ZNF148: variants seen among roughly 807,000 people sequenced by gnomAD.
ZNF148 encodes the protein zinc finger protein 148, also known as Beta-Enolase Repressor Factor-1.
A neutral mutation model predicts 67.7 loss-of-function variants in ZNF148; 7 were observed. The ratio of observed to expected loss-of-function variants is 0.10; its 90% CI spans 0.06 to 0.19. ZNF148 has a LOEUF of 0.19. Ranked by LOEUF, ZNF148 falls within the 10% of genes least tolerant of loss-of-function variation. The pLI, the probability that ZNF148 is intolerant of heterozygous loss-of-function variation, is 1.00. For synonymous variants in ZNF148, 333 were observed against 330.7 expected (o/e 1.01, Z -0.08); for missense variants, 583 against 947.1 (o/e 0.62, Z 5.05).
At position 125,246,682 on chromosome 3, in the gene ZNF148, T is replaced by C. The variant is rs188027553; in HGVS notation, c.668-12353A>G. ...CAAATGATTACTTACATATTGATTA[T>C]ACGTACATACTGATTATAATTATAA... On this transcript the variant is annotated intron_variant, in intron 7 of 8. Coordinates refer to ENST00000360647, the MANE Select transcript of ZNF148 (RefSeq NM_021964.3). Among the ~76,000 whole-genome samples, 38 of 152,320 alleles carry C rather than the reference T, an allele frequency of 2.5e-4. No homozygotes were observed. The East Asian group carries it at 4.8e-3, about 19-fold the overall frequency.
intron 5 of ZNF148, among the ~76,000 whole-genome samples, chr3:125,283,011 C>T (rs915146514): frequency 6.6e-6 from 1 of 152,108 alleles, no homozygotes; most frequent in African/African-American, 2.4e-5. Context: ...TTTGAAGCCA[C>T]CAAAACTCAA....
chr3:125,247,814 G>C (rs1428319061), intron 7 of ZNF148, among the ~76,000 whole-genome samples: 1 of 152,134 alleles, frequency 6.6e-6, no homozygotes, highest in Admixed American at 6.5e-5. Flanking sequence ...AATGAAAACT[G>C]ATCAATTACC....
In ZNF148 at chr3:125,233,184, C is replaced by A; in HGVS notation, c.1542G>T (p.Thr514=). 6.2e-7 allele frequency: 1 copy of A among 1,613,814 alleles called. No homozygotes were observed. Among genetic ancestry groups the A allele is most frequent in the Non-Finnish European group, 8.5e-7 (1 of 1,179,882 alleles). Residue 514 remains threonine (T), a synonymous_variant, in exon 9 of 9, where the codon ACG becomes ACT. Transcript: ENST00000360647. This position sits in a 1 kb window ranked among gnomAD's most constrained non-coding sequence, Gnocchi z 5.1. ...GTGCCTGTGACTCTAATATGGATGC[C>A]GTGGTACTTTCATCAATGACACTTG... ...AVASVIDEST[T]ASILESQALN... is the part of the protein sequence containing the mutation.
chr3:125,267,672 C>A (rs1362270422), intron 7 of ZNF148, among the ~76,000 whole-genome samples: 1 of 152,142 alleles, frequency 6.6e-6, no homozygotes, highest in Non-Finnish European at 1.5e-5. Context: ...TGGAACAAGA[C>A]AAGGACGCCT....
chr3:125,336,085 A>C (rs1467178258), intron 1 of ZNF148, among the ~76,000 whole-genome samples: 1 of 152,254 alleles, frequency 6.6e-6, no homozygotes, highest in Non-Finnish European at 1.5e-5. Context: ...TGGTTAATTA[A>C]GGTAATCTTT....
chr3:125,246,754 A>T (rs1936617928), intron 7 of ZNF148, among the ~76,000 whole-genome samples: 1 of 152,216 alleles, frequency 6.6e-6, no homozygotes, highest in African/African-American at 2.4e-5. Flanking sequence ...TCTGGGCTAT[A>T]TATCCTAAAT....
intron 7 of ZNF148, among the ~76,000 whole-genome samples, chr3:125,269,303 C>T (rs773990888): frequency 6.6e-6 from 1 of 151,276 alleles, no homozygotes; most frequent in African/African-American, 2.4e-5. Context: ...ATCGCTTGAG[C>T]CCGGGAGGTT....
intron 7 of ZNF148, among the ~76,000 whole-genome samples, chr3:125,265,598 T>TA (rs1937516094): frequency 6.6e-6 from 1 of 152,226 alleles, no homozygotes; most frequent in Non-Finnish European, 1.5e-5. Flanking sequence ...ACTCTAGAGT[T>TA]AGAGTGGATC....
At chr3:125,349,706 TG>T (rs1643893545) in intron 1 of ZNF148, among the ~76,000 whole-genome samples, 2 of 152,226 alleles carry the variant, frequency 1.3e-5, no homozygotes, top group Admixed American at 1.3e-4. Context: ...CCAGATGTGG[TG>T]GTTTACACCT....
At chr3:125,312,698 A>T (rs73195461) in intron 4 of ZNF148, among the ~76,000 whole-genome samples, 5,642 of 152,318 alleles carry the variant, frequency 0.037, 163 homozygotes, top group Non-Finnish European at 0.058. Context: ...GTTTGATATC[A>T]TAGAAAGAAG....
intron 7 of ZNF148, among the ~76,000 whole-genome samples, chr3:125,242,302 C>A (rs1239398601): frequency 2.0e-5 from 3 of 152,184 alleles, no homozygotes; most frequent in Non-Finnish European, 4.4e-5. Context: ...TAAGTTTAAA[C>A]TGTTAAGTTT....
chr3:125,306,519 A>C (rs1310691840), intron 4 of ZNF148, among the ~76,000 whole-genome samples: 1 of 152,210 alleles, frequency 6.6e-6, no homozygotes, highest in Non-Finnish European at 1.5e-5. Context: ...AACAATTAAG[A>C]AAACACAATT....
intron 5 of ZNF148, among the ~76,000 whole-genome samples, chr3:125,279,861 G>C (rs563965929): frequency 6.6e-6 from 1 of 152,136 alleles, no homozygotes; most frequent in South Asian, 2.1e-4. Context: ...ACTTGAGAAG[G>C]ATATATATAC....
chr3:125,234,161 TTATTG>T (rs1935979860), intron 8 of ZNF148, 45 bp downstream of exon 8: 35 of 1,315,628 alleles, frequency 2.7e-5, no homozygotes, highest in Non-Finnish European at 3.4e-5. Flanking sequence ...TAATTTATAA[TTATTG>T]TATAATTTAA....
intron 1 of ZNF148, among the ~76,000 whole-genome samples, chr3:125,370,989 C>T (rs1411338392): frequency 1.3e-5 from 2 of 152,110 alleles, no homozygotes; most frequent in Non-Finnish European, 2.9e-5. Flanking sequence ...CCACATTTCC[C>T]ATCTCTCCCT....
At chr3:125,330,465 CAAA>C (rs200643048) in intron 2 of ZNF148, among the ~76,000 whole-genome samples, 2 of 118,510 alleles carry the variant, frequency 1.7e-5, no homozygotes, top group African/African-American at 8.2e-5. Context: ...AACCCTATCT[CAAA>C]AAAAAAAAAA....
At chr3:125,321,370 T>C (rs1940763553) in intron 3 of ZNF148, among the ~76,000 whole-genome samples, 1 of 152,044 alleles carries the variant, frequency 6.6e-6, no homozygotes, top group Non-Finnish European at 1.5e-5. Context: ...TTAACAATAA[T>C]CATTTTATAT....
rs1462250741 is a variant in ZNF148, at chr3:125,233,207, T to C, written c.1519A>G (p.Ser507Gly). ...QPSVTQAAVASVIDESTTASI... is the reference protein window; with the variant it reads ...QPSVTQAAVAGVIDESTTASI... ...GCCGTGGTACTTTCATCAATGACAC[T>C]TGCCACAGCTGCTTGTGTTACAGAA... Residue 507 changes from serine (S) to glycine (G), a missense_variant, in exon 9 of 9, where the codon AGT (serine) becomes GGT (glycine). Coordinates refer to ENST00000360647, the MANE Select transcript of ZNF148 (RefSeq NM_021964.3). This position sits in a 1 kb window ranked among gnomAD's most constrained non-coding sequence, Gnocchi z 5.1. 6.2e-7 allele frequency: 1 copy of C among 1,613,910 alleles called. No homozygotes were observed. Among genetic ancestry groups the C allele is most frequent in the Non-Finnish European group, 8.5e-7 (1 of 1,179,890 alleles).
chr3:125,364,058 C>G (rs1188930766), intron 1 of ZNF148, among the ~76,000 whole-genome samples: 1 of 152,172 alleles, frequency 6.6e-6, no homozygotes, highest in African/African-American at 2.4e-5. Flanking sequence ...TTTACCCGTT[C>G]AAAAATCAAC....
Sources: gnomAD v4.1 joint callset for allele counts (sites outside exome capture counted in the v4.1 genomes callset) on GRCh38, gnomAD v4.1.1 for gene constraint, Gnocchi (gnomAD v3.1) non-coding constraint, MANE v1.5 for transcripts, NCBI Gene and HGNC (gene_info 2026-07-23, HGNC 2026-07-21) for gene names.